Variants in RANBP2 observed in about 807,000 individuals in gnomAD.
The protein encoded by RANBP2 is E3 SUMO-protein ligase RanBP2.
RANBP2 carries 57 observed loss-of-function variants against 303.6 expected under a neutral mutation model. The observed-to-expected ratio is 0.19, with a 90% CI of 0.15 to 0.23. The LOEUF (loss-of-function observed/expected upper bound fraction) is 0.23, where lower values mean the gene tolerates loss of function less well. Among genes scored for constraint, RANBP2 ranks in the 10% least tolerant of loss-of-function variants. RANBP2 has a pLI of 1.00. For synonymous variants in RANBP2, 1,167 were observed against 1,301.5 expected, an observed-to-expected ratio of 0.90 and a Z score of 2.23; for missense variants, 3,138 against 3,780.8, an observed-to-expected ratio of 0.83 and a Z score of 4.46.
the RANBP2 span, among the ~76,000 whole-genome samples, chr2:109,205,663 C>G: frequency 6.6e-6 from 1 of 152,184 alleles, no homozygotes; most frequent in Non-Finnish European, 1.5e-5. Context: ...CTGTTGGTGT[C>G]AGGGTCTGCA....
chr2:109,091,462 T>C, the RANBP2 span, among the ~76,000 whole-genome samples: 1 of 152,196 alleles, frequency 6.6e-6, no homozygotes, highest in Non-Finnish European at 1.5e-5. Flanking sequence ...TCCTGGAGAC[T>C]GATCTGAGTA....
chr2:109,070,059 G>A, the RANBP2 span, among the ~76,000 whole-genome samples: 2 of 152,222 alleles, frequency 1.3e-5, no homozygotes, highest in South Asian at 2.1e-4. Flanking sequence ...GATGCTGGCA[G>A]GAAGGGAGCC....
chr2:109,253,986 A>T, the RANBP2 span, among the ~76,000 whole-genome samples: 9 of 151,658 alleles, frequency 5.9e-5, no homozygotes, highest in Admixed American at 5.2e-4. Flanking sequence ...GGCCCCTGAG[A>T]TGTGTAGGTT....
the RANBP2 span, among the ~76,000 whole-genome samples, chr2:109,447,264 G>A: frequency 0.061 from 9,277 of 151,090 alleles, 884 homozygotes; most frequent in African/African-American, 0.2. Flanking sequence ...CCTAAGTCCC[G>A]GAGAATCTGG....
the RANBP2 span, among the ~76,000 whole-genome samples, chr2:109,495,692 A>G: frequency 1.3e-5 from 2 of 151,824 alleles, no homozygotes; most frequent in African/African-American, 4.8e-5. Context: ...GGGTTTCGCC[A>G]TGTTAGCCAG....
chr2:109,671,922 G>GTTTTTTTTTTTTTT, the RANBP2 span, among the ~76,000 whole-genome samples: 7 of 152,036 alleles, frequency 4.6e-5, no homozygotes, highest in African/African-American at 1.7e-4. Flanking sequence ...CTTCCAGTCT[G>GTTTTTTTTTTTTTT]TTTTTTCTTT....
the RANBP2 span, among the ~76,000 whole-genome samples, chr2:109,114,424 G>A: frequency 6.6e-6 from 1 of 152,160 alleles, no homozygotes; most frequent in African/African-American, 2.4e-5. Flanking sequence ...TTGCCTAGAG[G>A]TGTTTGTAGT....
At chr2:109,716,797 C>T in the RANBP2 span, among the ~76,000 whole-genome samples, 1 of 152,182 alleles carries the variant, frequency 6.6e-6, no homozygotes, top group Non-Finnish European at 1.5e-5. Context: ...AATCTGCCCA[C>T]CTCTGCCTTC....
At chr2:108,812,690 T>A in the RANBP2 span, 1,179,654 of 1,608,854 alleles carry the variant, frequency 0.73, 442,052 homozygotes, top group East Asian at 0.86. Flanking sequence ...GAGTTCAAGC[T>A]CGTTTAGATA....
At chr2:109,368,156 C>T in the RANBP2 span, among the ~76,000 whole-genome samples, 9 of 152,232 alleles carry the variant, frequency 5.9e-5, no homozygotes, top group East Asian at 5.8e-4. Flanking sequence ...TATTTGTCTG[C>T]CTTTCCACTG....
chr2:109,677,483 C>T, the RANBP2 span, among the ~76,000 whole-genome samples: 2 of 152,206 alleles, frequency 1.3e-5, no homozygotes, highest in Non-Finnish European at 2.9e-5. Context: ...ATCACTGCTT[C>T]CATGGTAACA....
chr2:108,977,346 G>T, the RANBP2 span, among the ~76,000 whole-genome samples: 4 of 152,162 alleles, frequency 2.6e-5, no homozygotes, highest in Non-Finnish European at 1.5e-5. Context: ...TCGGCTCACT[G>T]CAAGCTGCGC....
chr2:109,171,387 C>G, the RANBP2 span, among the ~76,000 whole-genome samples: 2 of 152,182 alleles, frequency 1.3e-5, no homozygotes, highest in Non-Finnish European at 1.5e-5. Flanking sequence ...TTGTTAGTGA[C>G]TATGAATATT....
the RANBP2 span, among the ~76,000 whole-genome samples, chr2:109,498,141 G>A: frequency 2.0e-5 from 3 of 152,288 alleles, no homozygotes; most frequent in South Asian, 4.1e-4. Flanking sequence ...AGGTGCCTCC[G>A]CCTGCCCTCC....
chr2:109,145,221 C>T, the RANBP2 span, among the ~76,000 whole-genome samples: 16 of 152,130 alleles, frequency 1.1e-4, no homozygotes, highest in Non-Finnish European at 2.1e-4. Flanking sequence ...TGGCTGGGTC[C>T]TTCCTGACCA....
the RANBP2 span, among the ~76,000 whole-genome samples, chr2:109,040,883 G>T: frequency 3.9e-5 from 6 of 151,912 alleles, no homozygotes; most frequent in Non-Finnish European, 5.9e-5. Flanking sequence ...GTGAAACCCC[G>T]TATCTACTAA....
At chr2:109,672,301 G>A in the RANBP2 span, among the ~76,000 whole-genome samples, 1 of 152,168 alleles carries the variant, frequency 6.6e-6, no homozygotes, top group Non-Finnish European at 1.5e-5. Context: ...TATTAGTCTG[G>A]AGATATGCAA....
At position 108,758,424 on chromosome 2, in the gene RANBP2, G is replaced by A. The variant is rs1676484234; in HGVS notation, c.2478G>A (p.Gln826=). 1 of 1,611,286 alleles carries A rather than the reference G, an allele frequency of 6.2e-7. No homozygotes were observed. The highest frequency in any genetic ancestry group is 1.7e-5 in the Admixed American group (1 of 59,940). ...QQVEAIKKEM[Q]ELKLNSSNSA... is the part of the protein sequence containing the mutation. ...TTTTCTTCCAATAGAAAGAAATGCA[G>A]GAGTTGAAACTAAATAGCAGTAACT... The change falls in exon 18 of 29, where the codon CAG becomes CAA. Residue 826 remains glutamine, a synonymous_variant. Coordinates refer to ENST00000283195, the MANE Select transcript of RANBP2 (RefSeq NM_006267.5).
the RANBP2 span, among the ~76,000 whole-genome samples, chr2:109,693,503 C>G: frequency 2.0e-5 from 3 of 152,144 alleles, no homozygotes; most frequent in Non-Finnish European, 2.9e-5. Context: ...GTGGTTTCCC[C>G]CATACTGTTC....
Sources: gnomAD v4.1 joint callset for allele counts (sites outside exome capture counted in the v4.1 genomes callset) on GRCh38, gnomAD v4.1.1 for gene constraint, MANE v1.5 for transcripts, NCBI Gene and HGNC (gene_info 2026-07-23, HGNC 2026-07-21) for gene names.